The following SLIT3 variants were observed in gnomAD, a reference collection of about 807,000 sequenced individuals.
The protein encoded by SLIT3 is slit guidance ligand 3.
Under a neutral mutation model 184.0 loss-of-function variants are expected in SLIT3, and 68 were observed. The observed-to-expected ratio is 0.37, with a 90% CI of 0.30 to 0.45. The LOEUF is 0.45. Among genes scored for constraint, SLIT3 ranks in the 20% least tolerant of loss-of-function variants. The pLI is 1.00. For missense variants in SLIT3, 1,707 were observed against 2,026.0 expected, an observed-to-expected ratio of 0.84 and a Z score of 3.02; for synonymous variants, 831 against 828.6, an observed-to-expected ratio of 1.00 and a Z score of -0.05.
intron 6 of SLIT3, among the ~76,000 whole-genome samples, chr5:168,829,246 C>T (rs774209936): frequency 1.1e-4 from 17 of 152,224 alleles, no homozygotes; most frequent in Non-Finnish European, 2.1e-4. Flanking sequence ...TTGTAATCTG[C>T]GTGTTGTGTG....
At chr5:169,271,474 G>A (rs1766608887) in intron 1 of SLIT3, among the ~76,000 whole-genome samples, 1 of 152,128 alleles carries the variant, frequency 6.6e-6, no homozygotes, top group South Asian at 2.1e-4. Flanking sequence ...TTTATTCTGT[G>A]GTTTGTTTAC....
Position 169,297,920 on chromosome 5 carries a change from G to T in SLIT3, c.197+2593C>A, listed in dbSNP as rs139420263. Among the ~76,000 whole-genome samples the T allele has an allele frequency of 1.6e-3, 239 of 152,350 alleles. 3 individuals are homozygous for T. In the East Asian group the frequency reaches 0.019, roughly 12 times the overall value. ...CGGCTTCAAGTAATGTTTGTTGAAT[G>T]AATGAAGGCAGGAATAAATGAGTGA... On this transcript the variant is annotated intron_variant, in intron 1 of 35. Transcript: ENST00000519560.
chr5:169,261,538 C>CT (rs1043718402), intron 1 of SLIT3, among the ~76,000 whole-genome samples: 3 of 151,528 alleles, frequency 2.0e-5, no homozygotes, highest in African/African-American at 7.3e-5. Context: ...ATCTCCTTTC[C>CT]TTTTTTTAAA....
Position 168,817,384 on chromosome 5 carries a change from C to T in SLIT3, c.709G>A (p.Gly237Ser). 1.2e-6 allele frequency: 2 copies of T among 1,614,152 alleles called. No individual in the cohort carries two copies. The highest frequency in any genetic ancestry group is 2.2e-5 in the East Asian group (1 of 44,874). The change falls in exon 8 of 36, where the codon GGC becomes AGC. Residue 237 changes from glycine (G) to serine (S), a missense_variant. Coordinates refer to ENST00000519560, the MANE Select transcript of SLIT3 (RefSeq NM_003062.4). The part of the protein sequence containing the change: ...SDWLRQRRTV[G>S]QFTLCMAPVH... ...GGAGCCATGCAGAGTGTGAACTGGC[C>T]AACTGTCCGTCGCTGTCGCAGCCAA...
intron 4 of SLIT3, among the ~76,000 whole-genome samples, chr5:169,152,495 C>T (rs892872913): frequency 5.9e-5 from 9 of 152,182 alleles, no homozygotes; most frequent in East Asian, 1.9e-4. Context: ...TCCAGCTCTT[C>T]GGGGGCAAAG....
chr5:169,165,031 T>A (rs1762590145), intron 4 of SLIT3, among the ~76,000 whole-genome samples: 1 of 152,218 alleles, frequency 6.6e-6, no homozygotes, highest in African/African-American at 2.4e-5. Flanking sequence ...CCTCCCGGAC[T>A]CTAGGGAGGG....
At chr5:168,753,838 G>A (rs1424511125) in intron 17 of SLIT3, 26 bp downstream of exon 17, 1 of 1,605,064 alleles carries the variant, frequency 6.2e-7, no homozygotes, top group Admixed American at 1.7e-5. Context: ...CTGGGTCTTG[G>A]CCCAGGCCCC....
chr5:168,962,393 A>G (rs1164685408), intron 4 of SLIT3, among the ~76,000 whole-genome samples: 1 of 152,006 alleles, frequency 6.6e-6, no homozygotes, highest in African/African-American at 2.4e-5. Context: ...CCCCAGACAA[A>G]TAATGATTTA....
At position 168,748,435 on chromosome 5, in the gene SLIT3, C is replaced by T; in HGVS notation, c.2138-1G>A. The stretch of plus-strand genomic sequence containing the variant: ...AGCTGGCAGCTACTCTCCTCGTTGC[C>T]TGTGGAGAGCCCCAGAGAGGGTGAG... On this transcript the variant is annotated splice_acceptor_variant, in intron 19 of 35. Coordinates refer to ENST00000519560, the MANE Select transcript of SLIT3 (RefSeq NM_003062.4). LOFTEE classifies it high-confidence loss of function. 6.6e-7 allele frequency: 1 copy of T among 1,523,230 alleles called. No individual in the cohort carries two copies. The highest frequency in any genetic ancestry group is 8.7e-7 in the Non-Finnish European group (1 of 1,148,224). The allele number at this position is 1,523,230 out of a possible 1,614,324, so 94.4% of individuals were successfully genotyped here. A position where few individuals can be genotyped will look rare whatever the true frequency, so the allele number is the denominator to read the frequency against.
At chr5:168,827,344 C>G (rs1021903826) in intron 6 of SLIT3, among the ~76,000 whole-genome samples, 2 of 152,218 alleles carry the variant, frequency 1.3e-5, no homozygotes, top group Non-Finnish European at 2.9e-5. Context: ...TGCTGCCTTG[C>G]CTTTTGCAGC....
At chr5:169,088,190 C>G (rs548314929) in intron 4 of SLIT3, among the ~76,000 whole-genome samples, 1 of 152,334 alleles carries the variant, frequency 6.6e-6, no homozygotes, top group South Asian at 2.1e-4. Context: ...CTGAGCAACT[C>G]TATCTCCTGC....
intron 14 of SLIT3, among the ~76,000 whole-genome samples, chr5:168,769,728 T>C (rs1055439408): frequency 6.6e-6 from 1 of 152,204 alleles, no homozygotes; most frequent in Non-Finnish European, 1.5e-5. Flanking sequence ...CACCAAGCCT[T>C]AAAATCTAAT....
intron 29 of SLIT3, among the ~76,000 whole-genome samples, 167 bp from the exon 30 acceptor site, chr5:168,687,283 T>C (rs1761776865): frequency 6.6e-6 from 1 of 152,246 alleles, no homozygotes; most frequent in Non-Finnish European, 1.5e-5. Flanking sequence ...TGGTGGCCCA[T>C]GGCCTTTGTT....
chr5:168,858,054 T>A (rs2113742068), intron 5 of SLIT3, among the ~76,000 whole-genome samples: 1 of 152,362 alleles, frequency 6.6e-6, no homozygotes, highest in South Asian at 2.1e-4. Context: ...CCATCCCATT[T>A]GTCACAGAAA....
intron 4 of SLIT3, among the ~76,000 whole-genome samples, chr5:168,916,898 C>T (rs564281265): frequency 8.4e-4 from 128 of 152,238 alleles, no homozygotes; most frequent in Admixed American, 2.7e-3. Flanking sequence ...GGCTAGATTG[C>T]TGACAACACC....
chr5:168,974,158 G>A (rs1034982149), intron 4 of SLIT3, among the ~76,000 whole-genome samples: 5 of 152,262 alleles, frequency 3.3e-5, no homozygotes, highest in East Asian at 1.9e-4. Context: ...GAGGTGCAGC[G>A]TCTTGTTCAA....
intron 4 of SLIT3, among the ~76,000 whole-genome samples, chr5:169,070,852 G>A (rs1581374558): frequency 6.8e-6 from 1 of 147,546 alleles, no homozygotes; most frequent in Middle Eastern, 3.5e-3. Flanking sequence ...AAAGCCTGAA[G>A]CCCTAACTTC....
chr5:168,705,609 C>G (rs1762352483), intron 26 of SLIT3, among the ~76,000 whole-genome samples: 2 of 152,208 alleles, frequency 1.3e-5, no homozygotes, highest in Non-Finnish European at 2.9e-5. Flanking sequence ...GGGCTCAACA[C>G]TTTCCTCAAG....
At chr5:168,794,398 C>T (rs901568358) in intron 10 of SLIT3, among the ~76,000 whole-genome samples, 3 of 152,192 alleles carry the variant, frequency 2.0e-5, no homozygotes, top group Admixed American at 6.5e-5. Flanking sequence ...TACTGTCCTC[C>T]CTGCAGAGCC....
Sources: allele counts gnomAD v4.1 joint callset (sites outside exome capture counted in the v4.1 genomes callset), GRCh38; gene constraint gnomAD v4.1.1; transcripts MANE v1.5; gene names NCBI Gene and HGNC (gene_info 2026-07-23, HGNC 2026-07-21).